Variants in SPG7 observed in about 807,000 individuals in gnomAD.
The protein encoded by SPG7 is SPG7 matrix AAA peptidase subunit, paraplegin, also known as mitochondrial inner membrane m-AAA protease component paraplegin.
A neutral mutation model predicts 81.9 loss-of-function variants in SPG7; 103 were observed. That is an observed-to-expected ratio of 1.26 (90% CI 1.07 to 1.48). The LOEUF is 1.48. Among genes scored for constraint, SPG7 ranks in the 40% most tolerant of loss-of-function variants. SPG7 has a pLI of 0.00. For missense variants in SPG7, 1,241 were observed against 1,087.3 expected, an observed-to-expected ratio of 1.14 and a Z score of -1.99; for synonymous variants, 534 against 444.2, an observed-to-expected ratio of 1.20 and a Z score of -2.54.
rs1177851600 is a variant in SPG7 at position 89,530,796 on chromosome 16, GGATTATCTGA to G, written c.976_985del (p.Asp326ArgfsTer110). 6 of 1,614,012 alleles carry G rather than the reference GGATTATCTGA, an allele frequency of 3.7e-6. No individual in the cohort carries two copies. The highest frequency in any genetic ancestry group is 5.1e-6 in the Non-Finnish European group (6 of 1,180,026). The stretch of plus-strand genomic sequence containing the variant: ...CCAAACTGGAAGTCCGCGAGTTTGT[GGATTATCTGA>G]AGGTGAAAGCAGCGTGGGCCGGGAG... On this transcript the variant is annotated frameshift_variant and splice_region_variant, in exon 7 of 17. Coordinates refer to ENST00000645818, the MANE Select transcript of SPG7 (RefSeq NM_003119.4). LOFTEE classifies it high-confidence loss of function.
intron 11 of SPG7, 66 bp downstream of exon 11, chr16:89,546,826 A>G: frequency 9.5e-7 from 1 of 1,051,534 alleles, no homozygotes; most frequent in Non-Finnish European, 1.5e-6. Context: ...ACCTGCGCAA[A>G]CAGCATCGAG....
chr16:89,513,579 A>C (rs780022262), intron 3 of SPG7, among the ~76,000 whole-genome samples: 9 of 152,270 alleles, frequency 5.9e-5, no homozygotes, highest in Middle Eastern at 6.8e-3. Context: ...GAAAAGAAGA[A>C]AATAATTGGC....
At chr16:89,526,142 T>C (rs2058256967) in intron 4 of SPG7, among the ~76,000 whole-genome samples, 187 bp from the exon 5 acceptor site, 1 of 152,126 alleles carries the variant, frequency 6.6e-6, no homozygotes, top group Non-Finnish European at 1.5e-5. Flanking sequence ...TTTTACACCA[T>C]TGTAAAATGG....
At chr16:89,532,864 A>T (rs1414108048) in intron 9 of SPG7, 15 of 547,350 alleles carry the variant, frequency 2.7e-5, no homozygotes, top group Non-Finnish European at 4.3e-5. Context: ...CAGGCGGATC[A>T]CCAGAGGTCA....
intron 3 of SPG7, chr16:89,518,623 C>T (rs2058137945): frequency 6.6e-6 from 1 of 152,064 alleles, no homozygotes. Context: ...GCCCCGCTCA[C>T]TGATAACGCG....
chr16:89,531,057 G>A, intron 7 of SPG7: 1 of 593,538 alleles, frequency 1.7e-6, no homozygotes, highest in Non-Finnish European at 3.0e-6. Context: ...TAGCCGTCCT[G>A]GGCCCTTCAT....
chr16:89,553,901 G>A lies in SPG7; in HGVS notation c.2044G>A (p.Gly682Ser). Residue 682 changes from glycine (G) to serine (S), a missense_variant, in exon 15 of 17, where the codon GGC becomes AGC. Physicochemically the swap from Gly to Ser is moderately conservative, Grantham distance 56. Transcript: ENST00000645818. ...GPISFPEAQEGLMGIGRRPFS... is the reference protein window; with the variant it reads ...GPISFPEAQESLMGIGRRPFS... The stretch of plus-strand genomic sequence containing the variant: ...CATCTCCTTCCCTGAGGCGCAGGAG[G>A]GCCTCATGGGCATCGGGCGGCGCCC... 1.9e-6 allele frequency: 3 copies of A among 1,613,032 alleles called. No homozygotes were observed. The highest frequency in any genetic ancestry group is 1.1e-5 in the South Asian group (1 of 91,080).
In SPG7 at chr16:89,546,717, C is replaced by G. The variant is rs1223152811; in HGVS notation, c.1509C>G (p.Thr503=). 3 of 1,613,654 alleles carry G rather than the reference C, an allele frequency of 1.9e-6. No individual in the cohort carries two copies. Among genetic ancestry groups the G allele is most frequent in the Non-Finnish European group, 2.5e-6 (3 of 1,179,598 alleles). ...GCCTGAAGCTGACCCAGTCCAGCAC[C>G]TTTTACTCCCAGCGTCTGGCAGAGC... ...LKSLKLTQSS[T]FYSQRLAELT... The change falls in exon 11 of 17, where the codon ACC becomes ACG. Residue 503 remains threonine (T), a synonymous_variant. Transcript: ENST00000645818.
intron 16 of SPG7, chr16:89,555,579 C>T (rs2058679369): frequency 7.2e-6 from 2 of 278,586 alleles, no homozygotes; most frequent in East Asian, 1.2e-4. Flanking sequence ...GTCCACATGG[C>T]GTTTGATCGC....
chr16:89,521,354 C>T (rs939116775), intron 3 of SPG7: 4 of 152,262 alleles, frequency 2.6e-5, no homozygotes, highest in Non-Finnish European at 5.9e-5. Flanking sequence ...TGTGAATTAA[C>T]ATGCCTGGCT....
At position 89,523,998 on chromosome 16, in the gene SPG7, C is replaced by T. The variant is rs373168400; in HGVS notation, c.377-8C>T. On this transcript the variant is annotated splice_region_variant and splice_polypyrimidine_tract_variant and intron_variant, in intron 3 of 16. Transcript: ENST00000645818. Reference sequence around the variant, plus strand: ...TTGTTTCTCCCTTTTGCTTCTCTGCCGGCTCAGAGGAGAGGAGACGCCGTG... The same window carrying T: ...TTGTTTCTCCCTTTTGCTTCTCTGCTGGCTCAGAGGAGAGGAGACGCCGTG... The T allele has an allele frequency of 1.6e-5, 26 of 1,611,652 alleles. No homozygotes were observed. Among genetic ancestry groups the T allele is most frequent in the Middle Eastern group, 1.6e-4 (1 of 6,084 alleles).
rs1433697104 is a variant in SPG7 at position 89,553,812 on chromosome 16, G to A, written c.1955G>A (p.Arg652Lys). The change falls in exon 15 of 17, where the codon AGG (arginine) becomes AAG (lysine). Residue 652 changes from arginine (R) to lysine (K), a missense_variant. Coordinates refer to ENST00000645818, the MANE Select transcript of SPG7 (RefSeq NM_003119.4). ...EVTSGAQDDL[R>K]KVTRIAYSMV... is the part of the protein sequence containing the mutation. ...CCTCCAGGGGCACAGGACGACCTGA[G>A]GAAGGTCACCCGCATCGCCTACTCC... 1.9e-6 allele frequency: 3 copies of A among 1,613,516 alleles called. No homozygotes were observed. Among genetic ancestry groups the A allele is most frequent in the Admixed American group, 1.7e-5 (1 of 60,032 alleles).
chr16:89,510,949 C>A (rs181255751), intron 2 of SPG7, among the ~76,000 whole-genome samples: 16 of 152,350 alleles, frequency 1.1e-4, no homozygotes, highest in Admixed American at 1.0e-3. Flanking sequence ...CCTCCCACCT[C>A]AGCCTTCCAT....
chr16:89,550,261 C>G (rs1478049659), intron 12 of SPG7: 2 of 478,838 alleles, frequency 4.2e-6, no homozygotes, highest in Admixed American at 5.7e-5. Context: ...TAACCTCCGT[C>G]TCTCAGGTTC....
intron 4 of SPG7, among the ~76,000 whole-genome samples, chr16:89,525,095 G>A (rs543280348): frequency 6.9e-4 from 105 of 151,994 alleles, no homozygotes; most frequent in African/African-American, 2.2e-3. Flanking sequence ...CTGTAGCTGG[G>A]ATGGCAGGCG....
At chr16:89,516,716 A>T (rs2058101466) in intron 3 of SPG7, 5 of 151,808 alleles carry the variant, frequency 3.3e-5, no homozygotes, top group Admixed American at 3.3e-4. Flanking sequence ...AAAAAAAAAA[A>T]AAATTAGGCG....
intron 12 of SPG7, chr16:89,549,907 A>C (rs1363404176): frequency 5.6e-6 from 1 of 177,774 alleles, no homozygotes; most frequent in African/African-American, 2.4e-5. Context: ...ACCATGGGGC[A>C]GGAGGAGACA....
Position 89,526,390 on chromosome 16 carries a change from G to C in SPG7, c.680G>C (p.Arg227Pro), listed in dbSNP as rs749914575. Residue 227 changes from arginine (R) to proline (P), a missense_variant, in exon 5 of 17, where the codon CGA becomes CCA. By Grantham distance (103) the Arg-to-Pro change is moderately radical (BLOSUM62 -2). Coordinates refer to ENST00000645818, the MANE Select transcript of SPG7 (RefSeq NM_003119.4). ...ANIDKFEEKL[R>P]AAEDELNIEA... ...ATTGACAAGTTTGAAGAGAAGCTTC[G>C]AGCAGCTGAAGATGAGCTGAATATC... 5 of 1,614,136 alleles carry C rather than the reference G, an allele frequency of 3.1e-6. No individual in the cohort carries two copies. In the South Asian group the frequency reaches 5.5e-5, roughly 18 times the overall value.
chr16:89,514,923 C>T (rs2058074539), intron 3 of SPG7, among the ~76,000 whole-genome samples: 1 of 149,102 alleles, frequency 6.7e-6, no homozygotes. Context: ...AACCACCGTG[C>T]CTGGCCTTGA....
Sources: gnomAD v4.1 joint callset for allele counts (sites outside exome capture counted in the v4.1 genomes callset) on GRCh38, gnomAD v4.1.1 for gene constraint, MANE v1.5 for transcripts, NCBI Gene and HGNC (gene_info 2026-07-23, HGNC 2026-07-21) for gene names.